Variants in TOPBP1 observed in about 807,000 individuals in gnomAD.
The protein encoded by TOPBP1 is DNA topoisomerase 2-binding protein 1.
Under a neutral mutation model 167.7 loss-of-function variants are expected in TOPBP1, and 28 were observed. The observed-to-expected ratio is 0.17, with a 90% CI of 0.12 to 0.23. The LOEUF is 0.23. Ranked by LOEUF, TOPBP1 falls within the 10% of genes least tolerant of loss-of-function variation. The probability of loss-of-function intolerance (pLI) is 1.00; values close to 1 mark genes in which losing one functional copy is unlikely to be tolerated. For missense variants in TOPBP1, 1,554 were observed against 1,809.6 expected, an observed-to-expected ratio of 0.86 and a Z score of 2.56; for synonymous variants, 598 against 611.4, an observed-to-expected ratio of 0.98 and a Z score of 0.32.
chr3:133,634,389 A>T (rs529010118), intron 14 of TOPBP1, among the ~76,000 whole-genome samples: 1 of 152,202 alleles, frequency 6.6e-6, no homozygotes, highest in Admixed American at 6.5e-5. Flanking sequence ...CATGCCTGTA[A>T]TCCCAGCTAC....
At position 133,608,615 on chromosome 3, in the gene TOPBP1, A is replaced by G. The variant is rs777175240; in HGVS notation, c.4345T>C (p.Ser1449Pro). The part of the protein sequence containing the change: ...SDLNKLKPDD[S>P]GVNIAEAAAQ... ...GCAGCTTCTGCTATATTAACTCCTG[A>G]GTCATCTGGTTTCAGTTTATTCAAG... is the stretch of plus-strand genomic sequence containing the variant. The change falls in exon 27 of 28, where the codon TCA becomes CCA. Residue 1449 changes from serine to proline, a missense_variant. Ser to Pro is a moderately conservative substitution (Grantham distance 74). Transcript: ENST00000260810. 1.9e-6 allele frequency: 3 copies of G among 1,613,722 alleles called. No individual in the cohort carries two copies. Among genetic ancestry groups the G allele is most frequent in the African/African-American group, 1.3e-5 (1 of 74,934 alleles).
Position 133,616,969 on chromosome 3 carries a change from G to T in TOPBP1, c.3760-44C>A. On this transcript the variant is annotated intron_variant, in intron 22 of 27. Coordinates refer to ENST00000260810, the MANE Select transcript of TOPBP1 (RefSeq NM_007027.4). ...TTTAGAAAAAATTAACATTAAAAAT[G>T]ATCAGATACACAGTTCTTTTATAGT... The T allele has an allele frequency of 3.8e-6, 5 of 1,322,754 alleles. No homozygotes were observed. The South Asian group carries it at 6.2e-5, about 16-fold the overall frequency. 81.9% of individuals were successfully genotyped at this position (1,322,754 alleles called of 1,614,324 possible).
rs1934270215 is a variant in TOPBP1 at position 133,600,951 on chromosome 3, G to C, written c.*299C>G. On this transcript the variant is annotated 3_prime_UTR_variant, in exon 28 of 28. Coordinates refer to ENST00000260810, the MANE Select transcript of TOPBP1 (RefSeq NM_007027.4). ...TTGCTAAAATTTCCACTAAGCTACA[G>C]CTTCAGATATTTACAAGAAAAATAA... 1 of 178,640 alleles carries C rather than the reference G, an allele frequency of 5.6e-6. No homozygotes were observed. Among genetic ancestry groups the C allele is most frequent in the South Asian group, 1.4e-4 (1 of 7,206 alleles). 11.1% of individuals were successfully genotyped at this position (178,640 alleles called of 1,614,324 possible). A position where few individuals can be genotyped will look rare whatever the true frequency, so the allele number is the denominator to read the frequency against.
At chr3:133,639,407 A>G (rs1030735016) in intron 13 of TOPBP1, among the ~76,000 whole-genome samples, 3 of 152,142 alleles carry the variant, frequency 2.0e-5, no homozygotes, top group Non-Finnish European at 4.4e-5. Context: ...TGGGAATTGA[A>G]CAGACACAGG....
Position 133,608,887 on chromosome 3 carries a change from A to C in TOPBP1, c.4249T>G (p.Ser1417Ala), listed in dbSNP as rs910258160. ...REAGFKRLLQ[S>A]GGAKVLPGHS... Reference sequence around the variant, plus strand: ...TTGATACAAACCTTTGCTCCTCCTGACTGAAGAAGGCGTTTGAAGCCTGCT... The same window carrying C: ...TTGATACAAACCTTTGCTCCTCCTGCCTGAAGAAGGCGTTTGAAGCCTGCT... The change falls in exon 26 of 28, where the codon TCA becomes GCA. Residue 1417 changes from serine to alanine, a missense_variant. Coordinates refer to ENST00000260810, the MANE Select transcript of TOPBP1 (RefSeq NM_007027.4). 4.7e-5 allele frequency: 76 copies of C among 1,612,358 alleles called. No individual in the cohort carries two copies. The highest frequency in any genetic ancestry group is 6.1e-5 in the Non-Finnish European group (72 of 1,179,456).
intron 21 of TOPBP1, 101 bp from the exon 22 acceptor site, chr3:133,617,427 A>C: frequency 7.6e-7 from 1 of 1,319,702 alleles, no homozygotes; most frequent in Non-Finnish European, 9.9e-7. Context: ...GAAGTCAAGC[A>C]CAAACTCTGG....
chr3:133,611,275 A>G, intron 24 of TOPBP1, 134 bp from the exon 25 acceptor site: 1 of 686,730 alleles, frequency 1.5e-6, no homozygotes, highest in Non-Finnish European at 2.1e-6. Flanking sequence ...TACAGACAGT[A>G]CTAAGTAAAT....
In TOPBP1 at chr3:133,611,109, T is replaced by C. The variant is rs754236928; in HGVS notation, c.4068A>G (p.Ile1356Met). 6.2e-7 allele frequency: 1 copy of C among 1,613,136 alleles called. No individual in the cohort carries two copies. Among genetic ancestry groups the C allele is most frequent in the South Asian group, 1.1e-5 (1 of 90,944 alleles). ...EEDYEWGSSS[I>M]LDVLTGINVQ... ...CATTGATTCCAGTCAGAACATCAAG[T>C]ATGGAACTACTTCCCCATTCATAGT... Residue 1356 changes from isoleucine to methionine, a missense_variant, in exon 25 of 28, where the codon ATA (isoleucine) becomes ATG (methionine). Transcript: ENST00000260810.
Position 133,616,923 on chromosome 3 carries a change from A to C in TOPBP1, c.3762T>G (p.Ile1254Met), listed in dbSNP as rs901482205. The part of the protein sequence containing the change: ...PPVAPHPREK[I>M]ITIEETHEEL... ...CTTCATGAGTCTCCTCTATCGTTAT[A>C]ATCTGGAATGAAAGTTTTACTTTAG... The change falls in exon 23 of 28, where the codon ATT becomes ATG. Residue 1254 changes from isoleucine (I) to methionine (M), a missense_variant and splice_region_variant. Around this residue, in one of 3 missense-constraint regions of TOPBP1, gnomAD observed 351 missense variants for 432.9 expected, o/e 0.81. Coordinates refer to ENST00000260810, the MANE Select transcript of TOPBP1 (RefSeq NM_007027.4). 2.0e-6 allele frequency: 3 copies of C among 1,491,736 alleles called. No homozygotes were observed. Among genetic ancestry groups the C allele is most frequent in the African/African-American group, 2.8e-5 (2 of 70,276 alleles). 92.4% of individuals were successfully genotyped at this position (1,491,736 alleles called of 1,614,324 possible). A position where few individuals can be genotyped will look rare whatever the true frequency, so the allele number is the denominator to read the frequency against.
At chr3:133,633,772 C>A (rs1935573186) in intron 14 of TOPBP1, among the ~76,000 whole-genome samples, 1 of 152,192 alleles carries the variant, frequency 6.6e-6, no homozygotes. Context: ...GCCTGGACGA[C>A]ACAGCGAGAC....
intron 10 of TOPBP1, among the ~76,000 whole-genome samples, chr3:133,644,652 G>A (rs1393364915): frequency 6.6e-6 from 1 of 152,062 alleles, no homozygotes; most frequent in Non-Finnish European, 1.5e-5. Flanking sequence ...GCTCCAACAG[G>A]ACTTAGTTCC....
chr3:133,655,723 A>G (rs1003792483), intron 5 of TOPBP1, among the ~76,000 whole-genome samples: 70 of 152,194 alleles, frequency 4.6e-4, no homozygotes, highest in African/African-American at 1.6e-3. Flanking sequence ...GGAAAAATAT[A>G]TATTTCCTTA....
intron 14 of TOPBP1, among the ~76,000 whole-genome samples, chr3:133,629,130 G>A (rs1311466953): frequency 1.3e-5 from 2 of 151,730 alleles, no homozygotes; most frequent in East Asian, 3.9e-4. Context: ...TTATAAGGAA[G>A]GTTAGAAAGT....
At chr3:133,605,827 A>G (rs958362568) in intron 27 of TOPBP1, among the ~76,000 whole-genome samples, 1 of 152,254 alleles carries the variant, frequency 6.6e-6, no homozygotes, top group Non-Finnish European at 1.5e-5. Flanking sequence ...CTCTTTGCAG[A>G]TAAAATGATT....
chr3:133,612,363 A>G, intron 24 of TOPBP1, 26 bp downstream of exon 24: 2 of 1,611,512 alleles, frequency 1.2e-6, no homozygotes, highest in Non-Finnish European at 1.7e-6. Flanking sequence ...AAAGAAAAAT[A>G]AACTTCCACA....
chr3:133,640,346 C>G (rs1559824662), intron 12 of TOPBP1, among the ~76,000 whole-genome samples, 176 bp from the exon 13 acceptor site: 1 of 152,208 alleles, frequency 6.6e-6, no homozygotes, highest in Non-Finnish European at 1.5e-5. Context: ...AATGCTTACT[C>G]TAGGGTAAAA....
At position 133,600,807 on chromosome 3, in the gene TOPBP1, G is replaced by C. The variant is rs1192161022; in HGVS notation, c.*443C>G. The C allele has an allele frequency of 1.9e-5, 3 of 161,352 alleles. No individual in the cohort carries two copies. Among genetic ancestry groups the C allele is most frequent in the Non-Finnish European group, 2.7e-5 (2 of 74,716 alleles). The allele number at this position is 161,352 out of a possible 1,614,324, so 10.0% of individuals were successfully genotyped here. On this transcript the variant is annotated 3_prime_UTR_variant, in exon 28 of 28. Transcript: ENST00000260810. Reference sequence around the variant, plus strand: ...CATTAAACCTTGTGCTCAGGCTCCTGTTAAAAGAGGTAAAATGGTGAGAAG... The same window carrying C: ...CATTAAACCTTGTGCTCAGGCTCCTCTTAAAAGAGGTAAAATGGTGAGAAG...
At chr3:133,604,567 CAG>C (rs1356838321) in intron 27 of TOPBP1, among the ~76,000 whole-genome samples, 4 of 151,382 alleles carry the variant, frequency 2.6e-5, no homozygotes, top group African/African-American at 9.7e-5. Context: ...TAAAATGAAA[CAG>C]AAAATAGGAA....
Position 133,655,432 on chromosome 3 carries a change from A to C in TOPBP1, c.600T>G (p.Phe200Leu), listed in dbSNP as rs1019701082. 1.9e-6 allele frequency: 3 copies of C among 1,598,950 alleles called. No homozygotes were observed. Among genetic ancestry groups the C allele is most frequent in the Non-Finnish European group, 2.6e-6 (3 of 1,173,414 alleles). The change falls in exon 6 of 28, where the codon TTT becomes TTG. Residue 200 changes from phenylalanine (F) to leucine (L), a missense_variant. Transcript: ENST00000260810. ...CAGTCACACAGATTATGCAACCAAG[A>C]AAAATAGGACACTTGAAATCTTCCA... is the stretch of plus-strand genomic sequence containing the variant. ...INMEDFKCPIFLGCIICVTGL... is the reference protein window; with the variant it reads ...INMEDFKCPILLGCIICVTGL...
Sources: gnomAD v4.1 joint callset for allele counts (sites outside exome capture counted in the v4.1 genomes callset) on GRCh38, gnomAD v4.1.1 for gene constraint, gnomAD v4.1.1 regional missense constraint, MANE v1.5 for transcripts, NCBI Gene and HGNC (gene_info 2026-07-23, HGNC 2026-07-21) for gene names.